The following ADGRE3 variants were observed in gnomAD, a reference collection of about 807,000 sequenced individuals.
The protein encoded by ADGRE3 is EGF-like module receptor 3.
Under a neutral mutation model 80.1 loss-of-function variants are expected in ADGRE3, and 88 were observed. That is an observed-to-expected ratio of 1.10 (90% CI 0.93 to 1.31). The LOEUF (loss-of-function observed/expected upper bound fraction) is 1.31. ADGRE3 is among the 40% of genes most tolerant of loss of function. ADGRE3 has a pLI of 0.00. For synonymous variants in ADGRE3, 281 were observed against 294.8 expected (o/e 0.95, Z 0.48); for missense variants, 715 against 776.5 (o/e 0.92, Z 0.94).
intron 1 of ADGRE3, among the ~76,000 whole-genome samples, chr19:14,669,849 G>C (rs1461719942): frequency 6.6e-6 from 1 of 151,998 alleles, no homozygotes; most frequent in Non-Finnish European, 1.5e-5. Flanking sequence ...GGGTCCAACA[G>C]TAGTTCTATC....
Position 14,671,029 on chromosome 19 carries a change from G to A in ADGRE3, c.26-2177C>T, listed in dbSNP as rs113622706. The stretch of plus-strand genomic sequence containing the variant: ...GAGCCTCAAAGTCCCGTAGAGAGTG[G>A]TATGTGACTTGGTCATTTAGGGCAG... On this transcript the variant is annotated intron_variant, in intron 1 of 15. Transcript: ENST00000253673. Among the ~76,000 whole-genome samples the A allele has an allele frequency of 7.6e-3, 1,165 of 152,342 alleles. 15 individuals carry two copies. Among genetic ancestry groups the A allele is most frequent in the African/African-American group, 0.027 (1,128 of 41,576 alleles).
At chr19:14,646,790 C>T (rs11085901) in intron 8 of ADGRE3, among the ~76,000 whole-genome samples, 109,939 of 150,076 alleles carry the variant, frequency 0.73, 40,509 homozygotes, top group East Asian at 0.88. Flanking sequence ...CTTCTTCTTC[C>T]GACAGTGTCT....
chr19:14,671,130 G>A (rs139177269), intron 1 of ADGRE3, among the ~76,000 whole-genome samples: 13 of 152,190 alleles, frequency 8.5e-5, no homozygotes, highest in Non-Finnish European at 8.8e-5. Flanking sequence ...GGTAATGGCA[G>A]CAATCTAAAT....
At chr19:14,636,181 CT>C (rs1267852941) in intron 11 of ADGRE3, among the ~76,000 whole-genome samples, 16 of 71,996 alleles carry the variant, frequency 2.2e-4, no homozygotes, top group Admixed American at 5.4e-4. Context: ...CCTTTCCTTC[CT>C]CTTTCTTTCT....
In ADGRE3 at chr19:14,641,455, G is replaced by A; in HGVS notation, c.1212C>T (p.Leu404=). ...TTCGATCAATCCCCACGAGGAAGAG[G>A]AGGTGGGCCAGGAAGAGGCAGAGCG... The part of the protein sequence containing the change: ...QLSLCLFLAH[L]LFLVGIDRTE... Residue 404 remains leucine, a synonymous_variant, in exon 10 of 16, where the codon CTC becomes CTT. Transcript: ENST00000253673. The A allele has an allele frequency of 6.2e-7, 1 of 1,614,162 alleles. No homozygotes were observed. The highest frequency in any genetic ancestry group is 8.5e-7 in the Non-Finnish European group (1 of 1,180,022).
Position 14,647,339 on chromosome 19 carries a change from A to G in ADGRE3, c.724T>C (p.Tyr242His), listed in dbSNP as rs373067590. 4.3e-6 allele frequency: 7 copies of G among 1,611,100 alleles called. No individual in the cohort carries two copies. In the African/African-American group the frequency reaches 5.3e-5, roughly 12 times the overall value. The change falls in exon 8 of 16, where the codon TAT (tyrosine) becomes CAT (histidine). Residue 242 changes from tyrosine to histidine, a missense_variant. By Grantham distance (83) the Tyr-to-His change is moderately conservative (BLOSUM62 2). Transcript: ENST00000253673. ...QGPSAIAFIS[Y>H]SSLGNIINAT... ...TTTATGATGTTTCCAAGAGAAGAAT[A>G]TGAGATAAAGGCAATGGCACTGGGA...
intron 9 of ADGRE3, 57 bp downstream of exon 9, chr19:14,644,051 C>A: frequency 6.5e-6 from 7 of 1,079,294 alleles, no homozygotes; most frequent in Non-Finnish European, 7.4e-6. Context: ...GCACTTATTA[C>A]CACTTAGTAG....
intron 7 of ADGRE3, among the ~76,000 whole-genome samples, chr19:14,650,797 A>ACTT (rs905279379): frequency 1.3e-5 from 2 of 152,050 alleles, no homozygotes; most frequent in African/African-American, 4.8e-5. Flanking sequence ...TCCCAAAGAA[A>ACTT]CTTCTCACAC....
At chr19:14,661,674 A>G (rs1459269738) in intron 4 of ADGRE3, among the ~76,000 whole-genome samples, 1 of 152,170 alleles carries the variant, frequency 6.6e-6, no homozygotes, top group Non-Finnish European at 1.5e-5. Context: ...GTTAGATTCA[A>G]TAAAAAATGA....
chr19:14,601,426 A>G, the ADGRE3 span, among the ~76,000 whole-genome samples: 161 of 152,296 alleles, frequency 1.1e-3, no homozygotes, highest in Non-Finnish European at 1.6e-3. Flanking sequence ...ATTTGCTACT[A>G]CAATTTAGGT....
the ADGRE3 span, among the ~76,000 whole-genome samples, chr19:14,612,488 C>A: frequency 2.0e-5 from 3 of 152,114 alleles, no homozygotes; most frequent in Admixed American, 2.0e-4. Flanking sequence ...GTGTGCACCA[C>A]CGTGCCTGGT....
At chr19:14,662,370 C>T (rs1216032004) in intron 3 of ADGRE3, among the ~76,000 whole-genome samples, 1 of 152,068 alleles carries the variant, frequency 6.6e-6, no homozygotes, top group Non-Finnish European at 1.5e-5. Context: ...AGAGGGCAGT[C>T]GCGAAATGAA....
rs563832373 is a variant in ADGRE3, at chr19:14,627,777, CAAAT to C, written c.1813-2182_1813-2179del. 1.7e-3 allele frequency among the ~76,000 whole-genome samples: 264 copies of C among 152,106 alleles called. 1 individual carries two copies. Among genetic ancestry groups the C allele is most frequent in the African/African-American group, 5.9e-3 (245 of 41,510 alleles). On this transcript the variant is annotated intron_variant, in intron 14 of 15. Transcript: ENST00000253673. ...ACACAGACTACTGTTCAGTTGCAGA[CAAAT>C]AAAGTGTTTTGAATTTAGTAGCCAT...
chr19:14,613,117 G>A, the ADGRE3 span, among the ~76,000 whole-genome samples: 5,886 of 151,904 alleles, frequency 0.039, 141 homozygotes, highest in South Asian at 0.07. Context: ...GTAGAGACAG[G>A]GCTTTGCCAT....
At chr19:14,664,837 A>G (rs1323779829) in intron 2 of ADGRE3, among the ~76,000 whole-genome samples, 1 of 151,092 alleles carries the variant, frequency 6.6e-6, no homozygotes, top group Non-Finnish European at 1.5e-5. Flanking sequence ...CACAGAATTG[A>G]AAAAAAATCC....
At chr19:14,639,360 T>C (rs148346036) in intron 10 of ADGRE3, among the ~76,000 whole-genome samples, 1 of 152,182 alleles carries the variant, frequency 6.6e-6, no homozygotes, top group East Asian at 1.9e-4. Flanking sequence ...AAAATAAAAT[T>C]TAGAAAAAAG....
chr19:14,617,028 C>G (rs1243700075), downstream of ADGRE3, among the ~76,000 whole-genome samples: 5 of 151,520 alleles, frequency 3.3e-5, no homozygotes, highest in Non-Finnish European at 5.9e-5. Flanking sequence ...CTCCTGACCT[C>G]AGGTGAACCA....
At chr19:14,651,642 G>A (rs889027589) in intron 6 of ADGRE3, among the ~76,000 whole-genome samples, 1 of 152,144 alleles carries the variant, frequency 6.6e-6, no homozygotes, top group Non-Finnish European at 1.5e-5. Context: ...AAACGATTGT[G>A]GATGGAGGGC....
At chr19:14,665,658 T>C (rs982852547) in intron 2 of ADGRE3, among the ~76,000 whole-genome samples, 16 of 151,548 alleles carry the variant, frequency 1.1e-4, no homozygotes, top group Non-Finnish European at 2.2e-4. Flanking sequence ...CCCAGCTAAT[T>C]AAAAAAATTT....
Sources: allele counts gnomAD v4.1 joint callset (sites outside exome capture counted in the v4.1 genomes callset), GRCh38; gene constraint gnomAD v4.1.1; transcripts MANE v1.5; gene names NCBI Gene and HGNC (gene_info 2026-07-23, HGNC 2026-07-21).